Variants in TTC23L observed in about 807,000 individuals in gnomAD.
The protein encoded by TTC23L is tetratricopeptide repeat domain 23 like, also known as tetratricopeptide repeat protein 23-like.
A neutral mutation model predicts 48.1 loss-of-function variants in TTC23L; 42 were observed. That is an observed-to-expected ratio of 0.87 (90% CI 0.68 to 1.13). The LOEUF (loss-of-function observed/expected upper bound fraction) is 1.13, where lower values mean the gene tolerates loss of function less well. Ranked by LOEUF, TTC23L falls within the 50% of genes most tolerant of loss-of-function variation. The pLI is 0.00. For missense variants in TTC23L, 391 were observed against 421.0 expected, an observed-to-expected ratio of 0.93 and a Z score of 0.62; for synonymous variants, 159 against 157.2, an observed-to-expected ratio of 1.01 and a Z score of -0.09.
chr5:34,897,264 A>G (rs1473440432), intron 10 of TTC23L, among the ~76,000 whole-genome samples: 1 of 152,088 alleles, frequency 6.6e-6, no homozygotes, highest in African/African-American at 2.4e-5. Flanking sequence ...ATGCGCCTGT[A>G]GTCCCAGTTA....
intron 8 of TTC23L, among the ~76,000 whole-genome samples, chr5:34,874,770 G>A (rs1761711683): frequency 2.0e-5 from 3 of 151,722 alleles, no homozygotes; most frequent in Non-Finnish European, 4.4e-5. Context: ...ACCACAAAAG[G>A]TAGGAAAAGA....
chr5:34,919,616 C>T, the TTC23L span, among the ~76,000 whole-genome samples: 1 of 152,164 alleles, frequency 6.6e-6, no homozygotes, highest in Non-Finnish European at 1.5e-5. Context: ...ACTATAATTT[C>T]TAATTCTTAC....
intron 9 of TTC23L, among the ~76,000 whole-genome samples, chr5:34,890,441 CAAAAAAAAAAAAAA>C (rs57798773): frequency 1.8e-5 from 1 of 56,674 alleles, no homozygotes; most frequent in East Asian, 4.6e-4. Flanking sequence ...GACCCTGTCT[CAAAAAAAAAAAAAA>C]AAAAAAAAAA....
intron 6 of TTC23L, among the ~76,000 whole-genome samples, 180 bp downstream of exon 6, chr5:34,864,742 A>G (rs1227021232): frequency 6.6e-6 from 1 of 152,228 alleles, no homozygotes; most frequent in Non-Finnish European, 1.5e-5. Flanking sequence ...AATCCTCACA[A>G]CAGCCATTGA....
intron 9 of TTC23L, among the ~76,000 whole-genome samples, chr5:34,892,352 G>A (rs1203800791): frequency 6.6e-6 from 1 of 152,204 alleles, no homozygotes; most frequent in Non-Finnish European, 1.5e-5. Flanking sequence ...AAGGTTAAAT[G>A]ATAGTTGCAA....
At chr5:34,924,570 C>G in the TTC23L span, among the ~76,000 whole-genome samples, 1 of 152,118 alleles carries the variant, frequency 6.6e-6, no homozygotes. Flanking sequence ...ACCAGTTTTT[C>G]AAGGATATAT....
At chr5:34,925,226 C>A in the TTC23L span, 2 of 1,484,454 alleles carry the variant, frequency 1.3e-6, no homozygotes, top group Non-Finnish European at 9.0e-7. Context: ...TTTTTTTTAG[C>A]ATCGGCGTGT....
At chr5:34,874,584 G>A (rs1029795741) in intron 8 of TTC23L, among the ~76,000 whole-genome samples, 2 of 152,086 alleles carry the variant, frequency 1.3e-5, no homozygotes, top group Non-Finnish European at 2.9e-5. Flanking sequence ...GGAGCTGGGT[G>A]CAGTGGCTCA....
intron 9 of TTC23L, among the ~76,000 whole-genome samples, chr5:34,893,738 G>A (rs533487349): frequency 3.9e-5 from 6 of 152,166 alleles, no homozygotes; most frequent in African/African-American, 1.2e-4. Context: ...TAGGGATCAC[G>A]CAGAAAGAGG....
At chr5:34,850,285 C>G (rs1172858749) in exon 4 of TTC23L, 1 of 1,613,802 alleles carries the variant, frequency 6.2e-7, no homozygotes, top group South Asian at 1.1e-5. Context: ...GCCAACCTAG[C>G]TTATGGCTAC....
chr5:34,914,370 G>A, the TTC23L span: 17 of 330,424 alleles, frequency 5.1e-5, no homozygotes, highest in South Asian at 4.8e-4. Context: ...CTACCTTACA[G>A]GACTATTGTT....
intron 8 of TTC23L, among the ~76,000 whole-genome samples, chr5:34,876,995 A>AT (rs992964239): frequency 2.0e-5 from 3 of 152,172 alleles, no homozygotes; most frequent in Non-Finnish European, 2.9e-5. Flanking sequence ...ATAAAAAAAA[A>AT]TTATCAAGAT....
chr5:34,901,592 G>A (rs1427921724), downstream of TTC23L, among the ~76,000 whole-genome samples: 1 of 152,038 alleles, frequency 6.6e-6, no homozygotes. Context: ...GAGAAACCCT[G>A]TCTCTACTAA....
intron 2 of TTC23L, among the ~76,000 whole-genome samples, chr5:34,841,408 C>T (rs1017332759): frequency 8.5e-5 from 13 of 152,164 alleles, no homozygotes; most frequent in African/African-American, 3.1e-4. Context: ...GTTATTGGTA[C>T]ATTTTATAGA....
chr5:34,913,628 A>C, the TTC23L span: 1 of 1,116,652 alleles, frequency 9.0e-7, no homozygotes, highest in Non-Finnish European at 1.3e-6. Flanking sequence ...ATAAAAACTA[A>C]TAATATAAGG....
chr5:34,909,665 G>C, the TTC23L span, among the ~76,000 whole-genome samples: 1 of 152,114 alleles, frequency 6.6e-6, no homozygotes, highest in Non-Finnish European at 1.5e-5. Context: ...TAACAGGCGA[G>C]AGAATTGAGG....
the TTC23L span, among the ~76,000 whole-genome samples, chr5:34,924,377 G>A: frequency 3.3e-5 from 5 of 152,092 alleles, no homozygotes; most frequent in African/African-American, 1.2e-4. Context: ...TTTGTTGTTC[G>A]GAAGTTGCCT....
In TTC23L at chr5:34,845,686, A is replaced by C. The variant is rs777625828; in HGVS notation, c.255+13A>C. On this transcript the variant is annotated intron_variant, in intron 3 of 10. Transcript: ENST00000505624. ...TAAGGAAAAAATGGTAAAACAAAAA[A>C]CTCACTAAAATTTTGTTTCCATTTA... 6.3e-7 allele frequency: 1 copy of C among 1,593,388 alleles called. No homozygotes were observed. Among genetic ancestry groups the C allele is most frequent in the Non-Finnish European group, 8.5e-7 (1 of 1,172,886 alleles).
At chr5:34,866,917 A>G in exon 7 of TTC23L, 1 of 1,606,558 alleles carries the variant, frequency 6.2e-7, no homozygotes, top group Non-Finnish European at 8.5e-7. Flanking sequence ...CCACAGACTG[A>G]ACCTAGCTCT....
Sources: gnomAD v4.1 joint callset for allele counts (sites outside exome capture counted in the v4.1 genomes callset) on GRCh38, gnomAD v4.1.1 for gene constraint, MANE v1.5 for transcripts, NCBI Gene and HGNC (gene_info 2026-07-23, HGNC 2026-07-21) for gene names.